TMEM132D: variants seen among roughly 807,000 people sequenced by gnomAD.
TMEM132D encodes transmembrane protein 132D, also known as mature OL transmembrane protein.
In TMEM132D, 21 loss-of-function variants were observed where a neutral mutation model predicts 62.3. That is an observed-to-expected ratio of 0.34 (90% confidence interval 0.24 to 0.49). The LOEUF is 0.49. Ranked by LOEUF, TMEM132D falls within the 20% of genes least tolerant of loss-of-function variation. The pLI is 0.99. For synonymous variants in TMEM132D, 621 were observed against 575.6 expected (o/e 1.08, Z -1.13); for missense variants, 1,346 against 1,402.8 (o/e 0.96, Z 0.65).
At chr12:129,625,297 C>A (rs1207766045) in intron 2 of TMEM132D, among the ~76,000 whole-genome samples, 2 of 152,214 alleles carry the variant, frequency 1.3e-5, no homozygotes, top group Non-Finnish European at 2.9e-5. Flanking sequence ...AGGTACCCAA[C>A]ATTTTTGTAA....
intron 1 of TMEM132D, among the ~76,000 whole-genome samples, chr12:129,862,707 A>G (rs746551421): frequency 1.3e-5 from 2 of 152,196 alleles, no homozygotes; most frequent in East Asian, 3.8e-4. Context: ...GGACACAAGT[A>G]TAAGTAGAGA....
intron 1 of TMEM132D, among the ~76,000 whole-genome samples, chr12:129,766,103 T>C (rs1870543609): frequency 6.6e-6 from 1 of 152,206 alleles, no homozygotes; most frequent in Non-Finnish European, 1.5e-5. Context: ...CTTCTATTCC[T>C]TCCTACACAT....
chr12:129,384,691 C>T (rs770244645), intron 3 of TMEM132D, among the ~76,000 whole-genome samples: 10 of 152,186 alleles, frequency 6.6e-5, no homozygotes, highest in Non-Finnish European at 1.0e-4. Flanking sequence ...GAAAGGCAGA[C>T]TTTGGTCCAC....
At chr12:129,788,106 T>C (rs1263811905) in intron 1 of TMEM132D, among the ~76,000 whole-genome samples, 3 of 152,190 alleles carry the variant, frequency 2.0e-5, no homozygotes, top group East Asian at 3.8e-4. Flanking sequence ...ACTGAAATGG[T>C]GTAATCTCTG....
intron 3 of TMEM132D, among the ~76,000 whole-genome samples, chr12:129,509,289 T>C (rs1012186809): frequency 6.6e-6 from 1 of 152,164 alleles, no homozygotes. Flanking sequence ...ATTTATTAAA[T>C]TAAATTTATT....
At position 129,530,457 on chromosome 12, in the gene TMEM132D, C is replaced by T. The variant is rs184625702; in HGVS notation, c.1115+602G>A. On this transcript the variant is annotated intron_variant, in intron 3 of 8. Transcript: ENST00000422113. Reference sequence around the variant, plus strand: ...AATAAAACAAGAACTACTGAGTTTCCGAGCCTCCCTTTGCCCAGCTGTGAA... The same window carrying T: ...AATAAAACAAGAACTACTGAGTTTCTGAGCCTCCCTTTGCCCAGCTGTGAA... Among the ~76,000 whole-genome samples, 19 of 152,212 alleles carry T rather than the reference C, an allele frequency of 1.2e-4. No individual in the cohort carries two copies. In the East Asian group the frequency reaches 1.9e-3, roughly 15 times the overall value.
At position 129,257,432 on chromosome 12, in the gene TMEM132D, A is replaced by G. The variant is rs531839862; in HGVS notation, c.1300-47769T>C. On this transcript the variant is annotated intron_variant, in intron 4 of 8. Transcript: ENST00000422113. ...CACCATGTTAGCCAGGATGGTCTCAATCTCCTGACCTCGTGATCTGCCCGC... is the reference window on the plus strand; with the variant it reads ...CACCATGTTAGCCAGGATGGTCTCAGTCTCCTGACCTCGTGATCTGCCCGC... 2.5e-3 allele frequency among the ~76,000 whole-genome samples: 377 copies of G among 152,060 alleles called. 2 individuals carry two copies. The highest frequency in any genetic ancestry group is 8.8e-3 in the African/African-American group (365 of 41,488).
At chr12:129,227,778 G>T (rs935275267) in intron 4 of TMEM132D, among the ~76,000 whole-genome samples, 1 of 151,862 alleles carries the variant, frequency 6.6e-6, no homozygotes, top group Non-Finnish European at 1.5e-5. Context: ...GCCCTGGTGT[G>T]TAATGTTCCC....
At chr12:129,316,270 T>A (rs868348050) in intron 4 of TMEM132D, among the ~76,000 whole-genome samples, 1 of 152,206 alleles carries the variant, frequency 6.6e-6, no homozygotes, top group South Asian at 2.1e-4. Context: ...GTCTTTTTGA[T>A]GTAGGCGTTT....
At chr12:129,313,987 T>C (rs574258296) in intron 4 of TMEM132D, among the ~76,000 whole-genome samples, 3 of 152,344 alleles carry the variant, frequency 2.0e-5, no homozygotes, top group African/African-American at 7.2e-5. Context: ...TTCATATGTT[T>C]GCTGGCCATT....
intron 4 of TMEM132D, among the ~76,000 whole-genome samples, chr12:129,257,546 C>A (rs1880440547): frequency 6.6e-6 from 1 of 152,192 alleles, no homozygotes; most frequent in African/African-American, 2.4e-5. Flanking sequence ...CTTTCTTTCG[C>A]TCAGGGCACC....
At chr12:129,597,652 A>T (rs1373816245) in intron 2 of TMEM132D, among the ~76,000 whole-genome samples, 6 of 152,242 alleles carry the variant, frequency 3.9e-5, no homozygotes, top group South Asian at 2.1e-4. Context: ...AAATCCCTTT[A>T]AAAACAAAAA....
At chr12:129,109,202 C>T (rs10847770) in intron 5 of TMEM132D, among the ~76,000 whole-genome samples, 85,685 of 151,954 alleles carry the variant, frequency 0.56, 24,184 homozygotes, top group Middle Eastern at 0.61. Context: ...CCCGAATGGC[C>T]GTGTGAGTTT....
At chr12:129,783,185 T>A (rs1040137284) in intron 1 of TMEM132D, among the ~76,000 whole-genome samples, 1 of 152,176 alleles carries the variant, frequency 6.6e-6, no homozygotes, top group African/African-American at 2.4e-5. Flanking sequence ...CACATTTACA[T>A]GCACAGATCT....
intron 1 of TMEM132D, among the ~76,000 whole-genome samples, chr12:129,887,004 T>C (rs928979781): frequency 1.3e-5 from 2 of 152,238 alleles, no homozygotes; most frequent in African/African-American, 4.8e-5. Context: ...ATTAAACCTC[T>C]TTCCTTTATA....
chr12:129,122,908 T>G (rs7298861), intron 5 of TMEM132D, among the ~76,000 whole-genome samples: 144,016 of 152,238 alleles, frequency 0.95, 68,444 homozygotes, highest in Non-Finnish European at 1. Flanking sequence ...GTGAATGATT[T>G]CCAGGAAAGT....
At chr12:129,130,239 A>T (rs1192779143) in intron 5 of TMEM132D, among the ~76,000 whole-genome samples, 1 of 152,018 alleles carries the variant, frequency 6.6e-6, no homozygotes, top group Non-Finnish European at 1.5e-5. Flanking sequence ...CAGCTGAAGA[A>T]AACCACCCCA....
At chr12:129,423,609 A>G (rs1872392548) in intron 3 of TMEM132D, among the ~76,000 whole-genome samples, 2 of 152,208 alleles carry the variant, frequency 1.3e-5, no homozygotes, top group African/African-American at 2.4e-5. Flanking sequence ...TCACTCACCT[A>G]GCCCAAGATG....
chr12:129,444,047 TG>T (rs1873021099), intron 3 of TMEM132D, among the ~76,000 whole-genome samples: 2 of 151,952 alleles, frequency 1.3e-5, no homozygotes, highest in Non-Finnish European at 2.9e-5. Context: ...CTGGGATAAC[TG>T]GCTAGCCATA....
Sources: allele counts gnomAD v4.1 joint callset (sites outside exome capture counted in the v4.1 genomes callset), GRCh38; gene constraint gnomAD v4.1.1; transcripts MANE v1.5; gene names NCBI Gene and HGNC (gene_info 2026-07-23, HGNC 2026-07-21).